The following LRP2 variants were observed in gnomAD, a reference collection of about 807,000 sequenced individuals.
LRP2 encodes the protein low-density lipoprotein receptor-related protein 2.
In LRP2, 172 loss-of-function variants were observed where a neutral mutation model predicts 531.0. The ratio of observed to expected loss-of-function variants is 0.32; its 90% CI spans 0.29 to 0.37. LRP2 has a LOEUF of 0.37. LRP2 is among the 10% of genes least tolerant of loss of function. The pLI, the probability that LRP2 is intolerant of heterozygous loss-of-function variation, is 1.00. For missense variants in LRP2, 5,167 were observed against 5,868.3 expected (o/e 0.88, Z 3.90); for synonymous variants, 1,992 against 2,027.6 (o/e 0.98, Z 0.47).
At chr2:169,352,890 A>G (rs533212866) in intron 1 of LRP2, among the ~76,000 whole-genome samples, 64 of 152,076 alleles carry the variant, frequency 4.2e-4, no homozygotes, top group Non-Finnish European at 7.2e-4. Context: ...GGGCCAAGGG[A>G]AGGGAGAGCA....
At chr2:169,294,039 T>A in intron 6 of LRP2, 109 bp downstream of exon 6, 1 of 780,716 alleles carries the variant, frequency 1.3e-6, no homozygotes, top group East Asian at 2.6e-5. Context: ...ACTCTTCTCC[T>A]TGAAAAAAGA....
intron 26 of LRP2, among the ~76,000 whole-genome samples, chr2:169,238,556 T>C (rs989732154): frequency 6.9e-6 from 1 of 145,478 alleles, no homozygotes; most frequent in African/African-American, 2.8e-5. Flanking sequence ...TGTTTCTAAA[T>C]ACTAGTCTAG....
At chr2:169,177,544 A>T (rs1305493971) in intron 53 of LRP2, among the ~76,000 whole-genome samples, 4 of 152,068 alleles carry the variant, frequency 2.6e-5, no homozygotes, top group Non-Finnish European at 5.9e-5. Flanking sequence ...TCTTATCAAA[A>T]ACAAAGGAAA....
intron 36 of LRP2, among the ~76,000 whole-genome samples, chr2:169,212,796 A>G (rs1488381644): frequency 6.6e-6 from 1 of 152,028 alleles, no homozygotes; most frequent in Admixed American, 6.6e-5. Flanking sequence ...GCGAGGGATA[A>G]AAGACTACAA....
At chr2:169,242,862 TG>T (rs556373411) in intron 24 of LRP2, 93 bp downstream of exon 24, 164 of 929,572 alleles carry the variant, frequency 1.8e-4, no homozygotes, top group Non-Finnish European at 2.6e-4. Context: ...CCAGTTTGTC[TG>T]AGTTAGGGAA....
intron 1 of LRP2, among the ~76,000 whole-genome samples, chr2:169,343,209 C>T (rs182799981): frequency 6.6e-6 from 1 of 152,292 alleles, no homozygotes; most frequent in East Asian, 1.9e-4. Context: ...GTTTGAACTT[C>T]TTGGCAACTT....
intron 8 of LRP2, among the ~76,000 whole-genome samples, chr2:169,290,264 CTTTTTTTTTTT>C (rs11463198): frequency 4.2e-4 from 24 of 56,952 alleles, no homozygotes; most frequent in African/African-American, 5.2e-4. Flanking sequence ...GAACCAGAAG[CTTTTTTTTTTT>C]TTTTTTTTTT....
rs148250481 is a variant in LRP2 at position 169,267,998 on chromosome 2, A to G, written c.2320+2906T>C. ...AATACCTCTATGCAAATAAACTAGAAAATCTAGAAGAAATAGATAAATTCC... is the reference window on the plus strand; with the variant it reads ...AATACCTCTATGCAAATAAACTAGAGAATCTAGAAGAAATAGATAAATTCC... On this transcript the variant is annotated intron_variant, in intron 16 of 78. Coordinates refer to ENST00000649046, the MANE Select transcript of LRP2 (RefSeq NM_004525.3). Among the ~76,000 whole-genome samples, 271 of 152,344 alleles carry G rather than the reference A, an allele frequency of 1.8e-3. 1 individual carries two copies. The highest frequency in any genetic ancestry group is 6.3e-3 in the African/African-American group (263 of 41,582).
At position 169,272,967 on chromosome 2, in the gene LRP2, T is replaced by A. The variant is rs772992405; in HGVS notation, c.2076A>T (p.Thr692=). The A allele has an allele frequency of 2.5e-6, 4 of 1,613,748 alleles. No homozygotes were observed. Among genetic ancestry groups the A allele is most frequent in the Non-Finnish European group, 3.4e-6 (4 of 1,179,764 alleles). The change falls in exon 15 of 79, where the codon ACA becomes ACT. Residue 692 remains threonine (T), a synonymous_variant. Transcript: ENST00000649046. ...CATCTGTATCCAGTTGGAAGCCGAA[T>A]GTGCACTTGCAACGGAAACCCAAAC... The part of the protein sequence containing the change: ...NDGLGFRCKC[T]FGFQLDTDER...
At chr2:169,353,789 G>A (rs1685918806) in intron 1 of LRP2, among the ~76,000 whole-genome samples, 1 of 152,186 alleles carries the variant, frequency 6.6e-6, no homozygotes, top group South Asian at 2.1e-4. Flanking sequence ...TCAGGGGTTT[G>A]AGGCCAGCCT....
At chr2:169,324,182 A>G (rs888661928) in intron 1 of LRP2, among the ~76,000 whole-genome samples, 1 of 152,222 alleles carries the variant, frequency 6.6e-6, no homozygotes, top group Non-Finnish European at 1.5e-5. Context: ...AATAAATTGA[A>G]GCACAGAGCA....
Position 169,206,065 on chromosome 2 carries a change from C to CG in LRP2, c.7513dup (p.Arg2505ProfsTer21). 3 of 1,614,156 alleles carry CG rather than the reference C, an allele frequency of 1.9e-6. No homozygotes were observed. The highest frequency in any genetic ancestry group is 2.5e-6 in the Non-Finnish European group (3 of 1,180,038). On this transcript the variant is annotated frameshift_variant, in exon 40 of 79. Transcript: ENST00000649046. LOFTEE classifies it high-confidence loss of function. ...CACAATTGCTCTTGGTTTTGGAACG[C>CG]GGGCTATCACAGTGCGGTTAGACCC...
Position 169,307,332 on chromosome 2 carries a change from T to C in LRP2, c.376A>G (p.Arg126Gly), listed in dbSNP as rs753886411. The change falls in exon 4 of 79, where the codon AGG becomes GGG. Residue 126 changes from arginine (R) to glycine (G), a missense_variant. Around this residue, in one of 6 missense-constraint regions of LRP2, gnomAD observed 2,811 missense variants for 3,058.0 expected, o/e 0.92. Coordinates refer to ENST00000649046, the MANE Select transcript of LRP2 (RefSeq NM_004525.3). ...GGGCAGTCTCTGACGTGGTCGCACCTGTATTCACTTGGGATACACTGACCA... is the reference window on the plus strand; with the variant it reads ...GGGCAGTCTCTGACGTGGTCGCACCCGTATTCACTTGGGATACACTGACCA... ...SNGQCIPSEY[R>G]CDHVRDCPDG... 1 of 1,614,130 alleles carries C rather than the reference T, an allele frequency of 6.2e-7. No homozygotes were observed. Among genetic ancestry groups the C allele is most frequent in the South Asian group, 1.1e-5 (1 of 91,086 alleles).
chr2:169,197,024 T>C lies in LRP2; in HGVS notation c.8585A>G (p.His2862Arg). The part of the protein sequence containing the change: ...SDENPTYCTT[H>R]TCSSSEFQCA... ...TTGGAACTCACTGCTGCTGCACGTG[T>C]GAGTGGCTGCAGGAGGGAAAGAAGA... Residue 2862 changes from histidine to arginine, a missense_variant, in exon 46 of 79, where the codon CAC becomes CGC. Transcript: ENST00000649046. 1 of 1,613,898 alleles carries C rather than the reference T, an allele frequency of 6.2e-7. No homozygotes were observed. The highest frequency in any genetic ancestry group is 8.5e-7 in the Non-Finnish European group (1 of 1,179,992).
intron 16 of LRP2, 138 bp downstream of exon 16, chr2:169,270,766 A>ATAAG (rs1683389380): frequency 3.1e-6 from 1 of 322,634 alleles, no homozygotes; most frequent in African/African-American, 2.4e-5. Flanking sequence ...GTATAAATAA[A>ATAAG]TAAATAAATA....
At chr2:169,144,797 C>T (rs559779683) in intron 70 of LRP2, among the ~76,000 whole-genome samples, 1 of 152,222 alleles carries the variant, frequency 6.6e-6, no homozygotes, top group South Asian at 2.1e-4. Context: ...TCAAGACAAC[C>T]CCAGACTCCA....
In LRP2 at chr2:169,193,849, A is replaced by G. The variant is rs754129832; in HGVS notation, c.8742T>C (p.Asp2914=). 32 of 1,614,164 alleles carry G rather than the reference A, an allele frequency of 2.0e-5. 2 individuals carry two copies. In the South Asian group the frequency reaches 3.3e-4, roughly 17 times the overall value. The part of the protein sequence containing the change: ...RTCLADEFKC[D]GGRCIPSEWI... ...ATTCGCTTGGGATGCACCTCCCACCATCACACTTGAACTCATCAGCTAGGC... is the reference window on the plus strand; with the variant it reads ...ATTCGCTTGGGATGCACCTCCCACCGTCACACTTGAACTCATCAGCTAGGC... The change falls in exon 47 of 79, where the codon GAT becomes GAC. Residue 2914 remains aspartate (D), a synonymous_variant. Transcript: ENST00000649046.
chr2:169,190,197 T>C (rs897054852), intron 48 of LRP2, among the ~76,000 whole-genome samples: 3 of 152,200 alleles, frequency 2.0e-5, no homozygotes, highest in African/African-American at 2.4e-5. Context: ...CAAAGATTTA[T>C]CCACTTTAGG....
chr2:169,350,821 CT>C (rs375832835), intron 1 of LRP2, among the ~76,000 whole-genome samples: 5 of 151,414 alleles, frequency 3.3e-5, no homozygotes, highest in African/African-American at 1.2e-4. Context: ...CTGGGGCCCT[CT>C]TTGGTTGTGC....
Sources: gnomAD v4.1 joint callset for allele counts (sites outside exome capture counted in the v4.1 genomes callset) on GRCh38, gnomAD v4.1.1 for gene constraint, gnomAD v4.1.1 regional missense constraint, MANE v1.5 for transcripts, NCBI Gene and HGNC (gene_info 2026-07-23, HGNC 2026-07-21) for gene names.